RCBTB1: variants seen among roughly 807,000 people sequenced by gnomAD.
RCBTB1 encodes RCC1 and BTB domain containing protein 1, also known as RCC1 and BTB domain-containing protein 1.
A neutral mutation model predicts 62.4 loss-of-function variants in RCBTB1; 46 were observed. That is an observed-to-expected ratio of 0.74 (90% CI 0.58 to 0.94). The LOEUF is 0.94. Among genes scored for constraint, RCBTB1 ranks in the 40% least tolerant of loss-of-function variants. The pLI, the probability that RCBTB1 is intolerant of heterozygous loss-of-function variation, is 0.00. For missense variants in RCBTB1, 565 were observed against 654.9 expected (o/e 0.86, Z 1.50); for synonymous variants, 222 against 245.8 (o/e 0.90, Z 0.91).
Position 49,534,080 on chromosome 13 carries a change from AG to A in RCBTB1, c.*41del, listed in dbSNP as rs778814801. ...AGCACAAACTGGACACATCCTCAAC[AG>A]TGCCCCAGAGCACTCACACAGAACC... is the stretch of plus-strand genomic sequence containing the variant. On this transcript the variant is annotated 3_prime_UTR_variant, in exon 13 of 13. Transcript: ENST00000378302. 2 of 1,593,648 alleles carry A rather than the reference AG, an allele frequency of 1.3e-6. No individual in the cohort carries two copies. The highest frequency in any genetic ancestry group is 1.7e-6 in the Non-Finnish European group (2 of 1,169,156).
At chr13:49,555,472 G>C in intron 6 of RCBTB1, 43 bp downstream of exon 6, 1 of 1,522,148 alleles carries the variant, frequency 6.6e-7, no homozygotes, top group East Asian at 2.3e-5. Flanking sequence ...ACGTGTAATT[G>C]AAAAAGAAGG....
chr13:49,542,457 CTTTG>C (rs759550970), intron 10 of RCBTB1, among the ~76,000 whole-genome samples: 1 of 151,902 alleles, frequency 6.6e-6, no homozygotes, highest in Non-Finnish European at 1.5e-5. Flanking sequence ...TTTTTTGCTC[CTTTG>C]TTTTTTTTAA....
chr13:49,564,677 G>T (rs1408744536), intron 4 of RCBTB1, among the ~76,000 whole-genome samples: 1 of 151,058 alleles, frequency 6.6e-6, no homozygotes. Flanking sequence ...GGATCACGAG[G>T]TCAGGAGATC....
chr13:49,574,444 T>C (rs1400021371), intron 2 of RCBTB1, among the ~76,000 whole-genome samples: 1 of 152,116 alleles, frequency 6.6e-6, no homozygotes, highest in African/African-American at 2.4e-5. Flanking sequence ...TAACAAACAC[T>C]TTGTGACCAA....
intron 7 of RCBTB1, 48 bp from the exon 8 acceptor site, chr13:49,551,516 C>T: frequency 6.2e-7 from 1 of 1,605,202 alleles, no homozygotes. Flanking sequence ...ACAGGAAGGG[C>T]AGGGAGAACA....
chr13:49,570,961 A>G (rs1231607580), intron 2 of RCBTB1, among the ~76,000 whole-genome samples: 1 of 152,190 alleles, frequency 6.6e-6, no homozygotes, highest in Non-Finnish European at 1.5e-5. Flanking sequence ...CTTCCTCAAC[A>G]ACTTCAGTGA....
intron 12 of RCBTB1, among the ~76,000 whole-genome samples, chr13:49,536,573 GACTTCTT>G (rs1168886238): frequency 9.2e-5 from 14 of 152,166 alleles, no homozygotes; most frequent in Admixed American, 7.9e-4. Flanking sequence ...GGTTATAGTT[GACTTCTT>G]ACTTCTAACT....
At chr13:49,549,935 G>C in intron 8 of RCBTB1, 1 of 984,150 alleles carries the variant, frequency 1.0e-6, no homozygotes, top group African/African-American at 1.7e-5. Context: ...AAGCAAATGA[G>C]GAAAGTGGAC....
intron 2 of RCBTB1, among the ~76,000 whole-genome samples, chr13:49,573,727 G>T (rs1481538263): frequency 6.6e-6 from 1 of 151,452 alleles, no homozygotes; most frequent in Non-Finnish European, 1.5e-5. Flanking sequence ...TGGGATTACA[G>T]GCGTGAGCCA....
chr13:49,539,154 C>T (rs973692669), intron 12 of RCBTB1, among the ~76,000 whole-genome samples: 35 of 133,426 alleles, frequency 2.6e-4, no homozygotes, highest in African/African-American at 9.0e-4. Flanking sequence ...GCGTGATCTC[C>T]AAGCCTGGCC....
At chr13:49,552,839 A>G (rs911549990) in intron 6 of RCBTB1, among the ~76,000 whole-genome samples, 1 of 89,160 alleles carries the variant, frequency 1.1e-5, no homozygotes, top group Non-Finnish European at 2.0e-5. Context: ...GCTAGTTTAG[A>G]AGATAAGTAG....
At chr13:49,542,351 AT>A (rs1189302286) in intron 10 of RCBTB1, among the ~76,000 whole-genome samples, 1 of 152,128 alleles carries the variant, frequency 6.6e-6, no homozygotes, top group African/African-American at 2.4e-5. Context: ...ACTCACTTTC[AT>A]TTTTTGTAAC....
In RCBTB1 at chr13:49,566,708, G is replaced by C. The variant is rs552262144; in HGVS notation, c.187C>G (p.Leu63Val). Residue 63 changes from leucine (L) to valine (V), a missense_variant, in exon 4 of 13, where the codon CTT (leucine) becomes GTT (valine). By Grantham distance (32) the Leu-to-Val change is conservative. Transcript: ENST00000378302. Reference protein sequence around the residue: ...CLGTGDNQSTLVPKKLEGLCG... With the variant: ...CLGTGDNQSTVVPKKLEGLCG... ...AAGCCTTCTAGCTTTTTGGGTACAAGTGTACTCTGGTTATCTCCAGTTCCT... is the reference window on the plus strand; with the variant it reads ...AAGCCTTCTAGCTTTTTGGGTACAACTGTACTCTGGTTATCTCCAGTTCCT... The C allele has an allele frequency of 2.5e-5, 41 of 1,613,904 alleles. 1 individual carries two copies. The South Asian group carries it at 4.5e-4, about 18-fold the overall frequency.
Position 49,544,822 on chromosome 13 carries a change from C to A in RCBTB1, c.1087G>T (p.Glu363Ter). The A allele has an allele frequency of 6.2e-7, 1 of 1,612,094 alleles. No homozygotes were observed. ...TCAGCAGTTTCTGGACTATCAAATT[C>A]TTTCTTCAGTGACTCTGCAACTGTT... ...FLTVAESLKK[E>*]FDSPETADLK... Residue 363 changes from glutamate (E) to a stop codon, truncating the protein, a stop_gained, in exon 10 of 13, where the codon GAA (glutamate) becomes TAA (stop). Coordinates refer to ENST00000378302, the MANE Select transcript of RCBTB1 (RefSeq NM_018191.4). LOFTEE classifies it high-confidence loss of function.
chr13:49,547,121 G>A, intron 9 of RCBTB1: 2 of 1,284,732 alleles, frequency 1.6e-6, no homozygotes, highest in South Asian at 2.5e-5. Flanking sequence ...GTGCAATTCT[G>A]GCCAAATAGT....
intron 11 of RCBTB1, 144 bp downstream of exon 11, chr13:49,541,532 A>G (rs868226692): frequency 1.4e-6 from 1 of 725,734 alleles, no homozygotes; most frequent in Non-Finnish European, 2.1e-6. Flanking sequence ...ACACAATACT[A>G]CTTTTAAAGA....
At chr13:49,570,305 G>A (rs999089677) in intron 2 of RCBTB1, among the ~76,000 whole-genome samples, 1 of 152,182 alleles carries the variant, frequency 6.6e-6, no homozygotes, top group Admixed American at 6.5e-5. Flanking sequence ...CATAATGATG[G>A]GGCATTATTA....
rs768621323 is a variant in RCBTB1, at chr13:49,555,687, A to G, written c.445-14T>C. On this transcript the variant is annotated splice_polypyrimidine_tract_variant and intron_variant, in intron 5 of 12. Coordinates refer to ENST00000378302, the MANE Select transcript of RCBTB1 (RefSeq NM_018191.4). ...CCAAGCAAACACCTACAAGAGAAAGAAAAAGGAAAAGGAAAGAATAGTCAG... is the reference window on the plus strand; with the variant it reads ...CCAAGCAAACACCTACAAGAGAAAGGAAAAGGAAAAGGAAAGAATAGTCAG... The G allele has an allele frequency of 2.7e-5, 41 of 1,543,082 alleles. No homozygotes were observed. Among genetic ancestry groups the G allele is most frequent in the Admixed American group, 1.1e-4 (5 of 46,008 alleles).
rs534905151 is a variant in RCBTB1 at position 49,551,093 on chromosome 13, T to C, written c.854+233A>G. Reference sequence around the variant, plus strand: ...ACTCCAGTCTGGGTGACAGAGACTCTGTCTCAAAAAAGGGAAGGGAAGGGA... The same window carrying C: ...ACTCCAGTCTGGGTGACAGAGACTCCGTCTCAAAAAAGGGAAGGGAAGGGA... On this transcript the variant is annotated intron_variant, in intron 8 of 12. Transcript: ENST00000378302. The C allele has an allele frequency of 1.6e-3, 679 of 437,984 alleles. 1 individual carries two copies. The highest frequency in any genetic ancestry group is 2.2e-3 in the Non-Finnish European group (554 of 255,798). 27.1% of individuals were successfully genotyped at this position (437,984 alleles called of 1,614,324 possible). A position where few individuals can be genotyped will look rare whatever the true frequency, so the allele number is the denominator to read the frequency against.
Sources: allele counts gnomAD v4.1 joint callset (sites outside exome capture counted in the v4.1 genomes callset), GRCh38; gene constraint gnomAD v4.1.1; transcripts MANE v1.5; gene names NCBI Gene and HGNC (gene_info 2026-07-23, HGNC 2026-07-21).